C2orf76: variants seen among roughly 807,000 people sequenced by gnomAD.
C2orf76 encodes chromosome 2 open reading frame 76.
C2orf76 carries 23 observed loss-of-function variants against 16.9 expected under a neutral mutation model. The ratio of observed to expected loss-of-function variants is 1.36; its 90% CI spans 0.98 to 1.93. The LOEUF (loss-of-function observed/expected upper bound fraction) is 1.93, where lower values mean the gene tolerates loss of function less well. C2orf76 is among the 30% of genes most tolerant of loss of function. The pLI is 0.00. For synonymous variants in C2orf76, 48 were observed against 52.3 expected, an observed-to-expected ratio of 0.92 and a Z score of 0.35; for missense variants, 152 against 152.6, an observed-to-expected ratio of 1.00 and a Z score of 0.02.
chr2:119,357,597 CAA>C (rs56672129), intron 1 of C2orf76, among the ~76,000 whole-genome samples: 3 of 122,988 alleles, frequency 2.4e-5, no homozygotes, highest in Non-Finnish European at 1.7e-5. Context: ...AAAAACAAAC[CAA>C]AAAAAAAAAA....
chr2:119,317,552 C>T, intron 3 of C2orf76, 49 bp from the exon 4 acceptor site: 3 of 1,479,912 alleles, frequency 2.0e-6, no homozygotes, highest in Non-Finnish European at 2.8e-6. Context: ...TTCTAAACTT[C>T]TTTTCAAATT....
the C2orf76 span, among the ~76,000 whole-genome samples, chr2:119,289,640 C>G: frequency 2.7e-5 from 4 of 150,908 alleles, 1 homozygote; most frequent in Non-Finnish European, 5.9e-5. Context: ...GAGCCGAGAT[C>G]GTACCACTGC....
intron 1 of C2orf76, among the ~76,000 whole-genome samples, chr2:119,360,620 A>ATCATCATT (rs1437594696): frequency 1.3e-5 from 2 of 152,168 alleles, no homozygotes; most frequent in Non-Finnish European, 2.9e-5. Context: ...TTTTGCTGTG[A>ATCATCATT]TCATCATTTT....
At chr2:119,341,403 T>TC (rs1680026017) in intron 1 of C2orf76, among the ~76,000 whole-genome samples, 1 of 152,184 alleles carries the variant, frequency 6.6e-6, no homozygotes, top group Non-Finnish European at 1.5e-5. Flanking sequence ...TCACCTCCAA[T>TC]CACCCTGTGA....
At chr2:119,285,325 T>C in the C2orf76 span, among the ~76,000 whole-genome samples, 11 of 152,236 alleles carry the variant, frequency 7.2e-5, no homozygotes, top group Non-Finnish European at 1.0e-4. Context: ...TTATTTTTCC[T>C]GTAACAAATC....
rs141265956 is a variant in C2orf76, at chr2:119,322,056, C to T, written c.134-852G>A. On this transcript the variant is annotated intron_variant, in intron 2 of 5. Transcript: ENST00000334816. ...TCTTTTAAAAACATATTCCAAATGCCAGTACTAATTTTAATTAATATCTGC... is the reference window on the plus strand; with the variant it reads ...TCTTTTAAAAACATATTCCAAATGCTAGTACTAATTTTAATTAATATCTGC... Among the ~76,000 whole-genome samples the T allele has an allele frequency of 2.8e-3, 426 of 152,032 alleles. 2 individuals are homozygous for T. The highest frequency in any genetic ancestry group is 9.7e-3 in the African/African-American group (403 of 41,466).
intron 4 of C2orf76, 111 bp downstream of exon 4, chr2:119,317,355 G>A (rs566436601): frequency 5.4e-5 from 38 of 702,702 alleles, no homozygotes; most frequent in East Asian, 1.3e-4. Flanking sequence ...AATAAAAAGC[G>A]CTATTATAAT....
intron 1 of C2orf76, among the ~76,000 whole-genome samples, chr2:119,362,055 G>T (rs973320140): frequency 2.0e-5 from 3 of 152,050 alleles, no homozygotes; most frequent in Non-Finnish European, 4.4e-5. Context: ...TGCCATCCCT[G>T]AGAAAGACCA....
chr2:119,283,049 T>A, the C2orf76 span, among the ~76,000 whole-genome samples: 4 of 152,202 alleles, frequency 2.6e-5, no homozygotes, highest in African/African-American at 9.6e-5. Flanking sequence ...TGCGGGGATG[T>A]CATGAATAAT....
intron 5 of C2orf76, 72 bp from the exon 6 acceptor site, chr2:119,302,620 T>C: frequency 1.1e-6 from 1 of 903,634 alleles, no homozygotes; most frequent in Non-Finnish European, 1.6e-6. Context: ...TGGAAATCCA[T>C]ATGACTTTGA....
At chr2:119,365,823 C>A (rs1258343583) in intron 1 of C2orf76, among the ~76,000 whole-genome samples, 2 of 152,136 alleles carry the variant, frequency 1.3e-5, no homozygotes, top group African/African-American at 4.8e-5. Context: ...CTCGCAAAGA[C>A]GTTCCCCTCC....
chr2:119,287,222 T>C, the C2orf76 span, among the ~76,000 whole-genome samples: 2 of 152,240 alleles, frequency 1.3e-5, no homozygotes, highest in Admixed American at 6.5e-5. Context: ...GTTTTATGCC[T>C]GGCTCAGTCT....
intron 2 of C2orf76, among the ~76,000 whole-genome samples, chr2:119,324,402 A>C (rs1245641057): frequency 2.6e-5 from 4 of 152,114 alleles, no homozygotes; most frequent in Non-Finnish European, 4.4e-5. Flanking sequence ...TTTGTCTTTT[A>C]ACTTATTTTT....
intron 1 of C2orf76, among the ~76,000 whole-genome samples, chr2:119,365,187 C>G (rs1026374368): frequency 1.3e-5 from 2 of 152,210 alleles, no homozygotes; most frequent in Non-Finnish European, 2.9e-5. Flanking sequence ...AATACCCTAA[C>G]TTAAAACCTG....
chr2:119,337,117 G>A (rs1319368828), intron 2 of C2orf76, among the ~76,000 whole-genome samples: 1 of 151,258 alleles, frequency 6.6e-6, no homozygotes, highest in Non-Finnish European at 1.5e-5. Context: ...GTGCAGTAGT[G>A]CAATCAAAGC....
At chr2:119,298,718 A>G (rs1678573597), downstream of C2orf76, among the ~76,000 whole-genome samples, 1 of 152,002 alleles carries the variant, frequency 6.6e-6, no homozygotes, top group Non-Finnish European at 1.5e-5. Context: ...TTTTATACTC[A>G]TCTAATAACA....
intron 1 of C2orf76, among the ~76,000 whole-genome samples, chr2:119,347,158 C>A (rs570198406): frequency 5.8e-4 from 89 of 152,264 alleles, no homozygotes; most frequent in African/African-American, 2.0e-3. Context: ...GTGAATGAAT[C>A]GAGCCTCCAG....
At chr2:119,303,429 A>G (rs1488169387) in intron 5 of C2orf76, among the ~76,000 whole-genome samples, 3 of 152,262 alleles carry the variant, frequency 2.0e-5, no homozygotes, top group Non-Finnish European at 4.4e-5. Context: ...GCTTTTACAG[A>G]AAGAGCAAAA....
rs563719815 is a variant in C2orf76 at position 119,318,489 on chromosome 2, T to C, written c.185-986A>G. Among the ~76,000 whole-genome samples the C allele has an allele frequency of 2.6e-4, 39 of 152,260 alleles. 1 individual carries two copies. The highest frequency in any genetic ancestry group is 7.7e-4 in the African/African-American group (32 of 41,552). On this transcript the variant is annotated intron_variant, in intron 3 of 5. Transcript: ENST00000334816. ...CTAGATAAGAACTAGCACTCTGAATTTGCCCATTATTTTAAATAGTCAACT... is the reference window on the plus strand; with the variant it reads ...CTAGATAAGAACTAGCACTCTGAATCTGCCCATTATTTTAAATAGTCAACT...
Sources: gnomAD v4.1 joint callset for allele counts (sites outside exome capture counted in the v4.1 genomes callset) on GRCh38, gnomAD v4.1.1 for gene constraint, MANE v1.5 for transcripts, NCBI Gene and HGNC (gene_info 2026-07-23, HGNC 2026-07-21) for gene names.